The following TTC39B variants were observed in gnomAD, a reference collection of about 807,000 sequenced individuals.
The protein encoded by TTC39B is tetratricopeptide repeat protein 39B.
A neutral mutation model predicts 96.6 loss-of-function variants in TTC39B; 92 were observed. That is an observed-to-expected ratio of 0.95 (90% confidence interval 0.80 to 1.13). The LOEUF is 1.13. Among genes scored for constraint, TTC39B ranks in the 50% most tolerant of loss-of-function variants. The probability of loss-of-function intolerance (pLI) is 0.00; values close to 1 mark genes in which losing one functional copy is unlikely to be tolerated. For synonymous variants in TTC39B, 367 were observed against 299.4 expected (o/e 1.23, Z -2.33); for missense variants, 955 against 809.3 (o/e 1.18, Z -2.18).
At chr9:15,217,870 C>T (rs1820608574) in intron 3 of TTC39B, among the ~76,000 whole-genome samples, 1 of 152,112 alleles carries the variant, frequency 6.6e-6, no homozygotes, top group Non-Finnish European at 1.5e-5. Context: ...ATTGGCTCAC[C>T]ATACCTGTCC....
intron 5 of TTC39B, 56 bp downstream of exon 5, chr9:15,211,210 T>C (rs762471454): frequency 2.4e-5 from 33 of 1,389,108 alleles, no homozygotes; most frequent in Non-Finnish European, 3.1e-5. Context: ...ATTATTTTTG[T>C]CACACAGGCA....
rs1381180260 is a variant in TTC39B at position 15,306,115 on chromosome 9, C to A, written c.240+969G>T. On this transcript the variant is annotated intron_variant, in intron 1 of 19. Coordinates refer to ENST00000512701, the Ensembl canonical transcript of TTC39B. This position sits in a 1 kb window ranked among gnomAD's most constrained non-coding sequence, Gnocchi z 5.1. ...TTAACCGCCTCCTCCAGATCGTCCA[C>A]TATTGCATCATTTGAAACCAAAGCC... 6.6e-6 allele frequency among the ~76,000 whole-genome samples: 1 copy of A among 152,230 alleles called. No homozygotes were observed. The highest frequency in any genetic ancestry group is 1.5e-5 in the Non-Finnish European group (1 of 68,040).
At chr9:15,281,754 G>A (rs781052618) in intron 1 of TTC39B, among the ~76,000 whole-genome samples, 7 of 150,600 alleles carry the variant, frequency 4.6e-5, no homozygotes, top group Non-Finnish European at 8.8e-5. Flanking sequence ...TAGGCTCACT[G>A]CAATCTCCGC....
chr9:15,251,729 A>ATG (rs1563764588), intron 2 of TTC39B, among the ~76,000 whole-genome samples: 6 of 127,642 alleles, frequency 4.7e-5, no homozygotes, highest in African/African-American at 2.0e-4. Flanking sequence ...ATATATATAT[A>ATG]TATATATGTA....
At position 15,203,679 on chromosome 9, in the gene TTC39B, C is replaced by T. The variant is rs74461192; in HGVS notation, c.759+144G>A. The T allele has an allele frequency of 1.4e-3, 865 of 625,856 alleles. 3 individuals are homozygous for T. Among genetic ancestry groups the T allele is most frequent in the African/African-American group, 9.3e-3 (498 of 53,380 alleles). The allele number at this position is 625,856 out of a possible 1,614,324, so 38.8% of individuals were successfully genotyped here. A position where few individuals can be genotyped will look rare whatever the true frequency, so the allele number is the denominator to read the frequency against. Reference sequence around the variant, plus strand: ...AAGCTCTCTAGCATCTTTTTTCAGCCAAAGTTTATCAGAATAACAAATATT... The same window carrying T: ...AAGCTCTCTAGCATCTTTTTTCAGCTAAAGTTTATCAGAATAACAAATATT... On this transcript the variant is annotated intron_variant, in intron 7 of 19. Coordinates refer to ENST00000512701, the Ensembl canonical transcript of TTC39B.
chr9:15,233,476 C>T (rs978661100), intron 2 of TTC39B, among the ~76,000 whole-genome samples: 3 of 151,658 alleles, frequency 2.0e-5, no homozygotes, highest in Non-Finnish European at 2.9e-5. Context: ...CTGCCTCAGC[C>T]TGCCCAGTGC....
At chr9:15,250,103 G>C in intron 2 of TTC39B, 1 of 1,263,040 alleles carries the variant, frequency 7.9e-7, no homozygotes, top group Non-Finnish European at 1.0e-6. Flanking sequence ...TCAATTCTCA[G>C]GCACAAGCAA....
chr9:15,185,543 A>C, intron 15 of TTC39B, 137 bp from the exon 16 acceptor site: 2 of 1,374,256 alleles, frequency 1.5e-6, no homozygotes, highest in Non-Finnish European at 9.9e-7. Flanking sequence ...TTGAAATGCC[A>C]ATTTTCAGGC....
At chr9:15,282,180 C>T (rs1028887008) in intron 1 of TTC39B, among the ~76,000 whole-genome samples, 2 of 152,070 alleles carry the variant, frequency 1.3e-5, no homozygotes. Context: ...ACTCAAAACT[C>T]GCAAAAAATA....
intron 2 of TTC39B, among the ~76,000 whole-genome samples, chr9:15,243,988 A>G (rs2131480396): frequency 6.6e-6 from 1 of 152,344 alleles, no homozygotes; most frequent in East Asian, 1.9e-4. Context: ...CTACTCCAAC[A>G]GCTGCTGTTT....
Position 15,273,692 on chromosome 9 carries a change from G to A in TTC39B, c.241-5744C>T, listed in dbSNP as rs371965474. Among the ~76,000 whole-genome samples the A allele has an allele frequency of 7.2e-5, 11 of 152,146 alleles. No individual in the cohort carries two copies. In the South Asian group the frequency reaches 2.3e-3, roughly 32 times the overall value. On this transcript the variant is annotated intron_variant, in intron 1 of 19. Transcript: ENST00000512701. The stretch of plus-strand genomic sequence containing the variant: ...CAGGTGCCCACCCCCACACAACCAG[G>A]CCCCTTCTCACTGGAGCTTTCCCAC...
At chr9:15,267,863 A>G (rs779297317) in intron 2 of TTC39B, 51 bp downstream of exon 2, 12 of 1,490,210 alleles carry the variant, frequency 8.1e-6, no homozygotes, top group Non-Finnish European at 1.1e-5. Context: ...TTTATGTAAG[A>G]CAACCATCAA....
At position 15,214,193 on chromosome 9, in the gene TTC39B, A is replaced by T. The variant is rs138757698; in HGVS notation, c.428T>A (p.Leu143Ter). The T allele has an allele frequency of 1.3e-4, 210 of 1,614,036 alleles. 1 individual carries two copies. Among genetic ancestry groups the T allele is most frequent in the Non-Finnish European group, 1.6e-4 (188 of 1,180,016 alleles). The change falls in exon 4 of 20, where the codon TTG becomes TAG. Residue 143 changes from leucine (L) to a stop codon, truncating the protein, a stop_gained. Transcript: ENST00000512701. LOFTEE classifies it high-confidence loss of function. ...AAATTTGTTGCTTAGAAATAAGTTC[A>T]ATGCCACAGCACATTCTTCGAGGCC...
chr9:15,257,748 C>CCTA, intron 2 of TTC39B, among the ~76,000 whole-genome samples: 17 of 145,496 alleles, frequency 1.2e-4, no homozygotes, highest in Non-Finnish European at 1.5e-4. Context: ...GTGCCTGACG[C>CCTA]AAATTATCTT....
rs750626748 is a variant in TTC39B, at chr9:15,189,561, C to T, written c.1233+13G>A. On this transcript the variant is annotated intron_variant, in intron 13 of 19. Coordinates refer to ENST00000512701, the Ensembl canonical transcript of TTC39B. ...AGACAACTCCCCCAAATAATTCCCACCTAATAAATTACCTCTTCAAGATTC... is the reference window on the plus strand; with the variant it reads ...AGACAACTCCCCCAAATAATTCCCATCTAATAAATTACCTCTTCAAGATTC... 3 of 1,612,684 alleles carry T rather than the reference C, an allele frequency of 1.9e-6. No homozygotes were observed. In the South Asian group the frequency reaches 3.3e-5, roughly 18 times the overall value.
intron 1 of TTC39B, among the ~76,000 whole-genome samples, chr9:15,300,323 A>G (rs1824538768): frequency 6.6e-6 from 1 of 152,078 alleles, no homozygotes. Context: ...TTATTACTCA[A>G]TGGCTCCTCC....
intron 2 of TTC39B, among the ~76,000 whole-genome samples, chr9:15,248,866 C>A (rs72700650): frequency 0.12 from 17,560 of 152,152 alleles, 1,166 homozygotes; most frequent in African/African-American, 0.18. Flanking sequence ...CAAAAAGCTC[C>A]TATAATATGT....
intron 8 of TTC39B, among the ~76,000 whole-genome samples, chr9:15,198,552 T>C (rs1819326615): frequency 6.6e-6 from 1 of 151,044 alleles, no homozygotes; most frequent in Admixed American, 6.6e-5. Flanking sequence ...TTATGTCCAG[T>C]GCTACAATAT....
intron 1 of TTC39B, among the ~76,000 whole-genome samples, chr9:15,283,280 C>A (rs1480340774): frequency 6.6e-6 from 1 of 152,164 alleles, no homozygotes; most frequent in Non-Finnish European, 1.5e-5. Flanking sequence ...TAAATGAATG[C>A]AAGGCTATTC....
Sources: allele counts gnomAD v4.1 joint callset (sites outside exome capture counted in the v4.1 genomes callset), GRCh38; gene constraint gnomAD v4.1.1; non-coding constraint Gnocchi (gnomAD v3.1); transcripts MANE v1.5; gene names NCBI Gene and HGNC (gene_info 2026-07-23, HGNC 2026-07-21).